Variants in DCLK2 observed in about 807,000 individuals in gnomAD.
DCLK2 encodes the protein serine/threonine-protein kinase DCLK2.
In DCLK2, 31 loss-of-function variants were observed where a neutral mutation model predicts 78.4. The observed-to-expected ratio is 0.40, with a 90% CI of 0.30 to 0.53. The LOEUF (loss-of-function observed/expected upper bound fraction) is 0.53. DCLK2 is among the 20% of genes least tolerant of loss of function. The pLI, the probability that DCLK2 is intolerant of heterozygous loss-of-function variation, is 0.61. For synonymous variants in DCLK2, 407 were observed against 374.9 expected (o/e 1.09, Z -0.99); for missense variants, 872 against 973.7 (o/e 0.90, Z 1.39).
chr4:150,130,351 G>A lies in DCLK2; in HGVS notation c.756+27539G>A, dbSNP rs184410366. 2.0e-3 allele frequency among the ~76,000 whole-genome samples: 312 copies of A among 152,200 alleles called. 5 individuals carry two copies. Among genetic ancestry groups the A allele is most frequent in the South Asian group, 0.019 (91 of 4,822 alleles). ...CAGAAGTGTGAGCCAGAAGAGTTGG[G>A]AAGTGTTCGTGAAGAAATAGAATGC... On this transcript the variant is annotated intron_variant, in intron 2 of 15. Coordinates refer to ENST00000296550, the MANE Select transcript of DCLK2 (RefSeq NM_001040260.4).
At chr4:150,100,322 C>T (rs571968625) in intron 1 of DCLK2, among the ~76,000 whole-genome samples, 1 of 152,340 alleles carries the variant, frequency 6.6e-6, no homozygotes, top group East Asian at 1.9e-4. Flanking sequence ...TTACCTACTT[C>T]ATTCTAACAT....
chr4:150,203,786 C>T lies in DCLK2; in HGVS notation c.962-9C>T, dbSNP rs781476479. 6.2e-7 allele frequency: 1 copy of T among 1,609,980 alleles called. No homozygotes were observed. The highest frequency in any genetic ancestry group is 1.3e-5 in the African/African-American group (1 of 74,798). On this transcript the variant is annotated splice_polypyrimidine_tract_variant and intron_variant, in intron 4 of 15. Coordinates refer to ENST00000296550, the MANE Select transcript of DCLK2 (RefSeq NM_001040260.4). ...GGGACTTCTGTCTTCTTTGTTGTCT[C>T]ATGGGCAGTTAATGGAACTCCCAGC...
chr4:150,190,246 G>GACAT (rs1738330646), intron 2 of DCLK2, among the ~76,000 whole-genome samples: 1 of 66,786 alleles, frequency 1.5e-5, no homozygotes, highest in Non-Finnish European at 2.7e-5. Flanking sequence ...TAGATAGATA[G>GACAT]ATAGATAGAT....
At chr4:150,113,835 T>G (rs1002632968) in intron 2 of DCLK2, among the ~76,000 whole-genome samples, 1 of 152,096 alleles carries the variant, frequency 6.6e-6, no homozygotes, top group African/African-American at 2.4e-5. Context: ...AGGTGTGACA[T>G]TAGGTTGTGA....
intron 2 of DCLK2, among the ~76,000 whole-genome samples, chr4:150,190,404 A>G (rs1738367170): frequency 6.6e-6 from 1 of 152,178 alleles, no homozygotes; most frequent in East Asian, 1.9e-4. Context: ...AATAACCCAG[A>G]TGTCCTAAAC....
intron 1 of DCLK2, among the ~76,000 whole-genome samples, chr4:150,098,032 G>A (rs539915920): frequency 1.3e-5 from 2 of 152,256 alleles, no homozygotes; most frequent in African/African-American, 2.4e-5. Flanking sequence ...ATACCATGTG[G>A]TGTCTTAGTA....
intron 12 of DCLK2, 71 bp from the exon 13 acceptor site, chr4:150,247,531 TC>T (rs1743416999): frequency 5.1e-6 from 7 of 1,361,602 alleles, no homozygotes; most frequent in East Asian, 2.3e-5. Flanking sequence ...TCCCCGCTCT[TC>T]CTGTGGACAT....
intron 8 of DCLK2, among the ~76,000 whole-genome samples, chr4:150,227,086 T>C (rs1741676320): frequency 6.6e-6 from 1 of 152,174 alleles, no homozygotes; most frequent in Non-Finnish European, 1.5e-5. Flanking sequence ...GGAAACAGAC[T>C]CAGATTAAAT....
At chr4:150,249,498 T>C in intron 14 of DCLK2, 70 bp from the exon 15 acceptor site, 1 of 1,365,364 alleles carries the variant, frequency 7.3e-7, no homozygotes, top group Non-Finnish European at 1.0e-6. Context: ...GGAGGGGGAC[T>C]CTTAAGGAAA....
chr4:150,228,560 T>C (rs889101780), intron 8 of DCLK2, among the ~76,000 whole-genome samples: 3 of 151,840 alleles, frequency 2.0e-5, no homozygotes, highest in Non-Finnish European at 2.9e-5. Flanking sequence ...ACACAAACAG[T>C]TGAAAGATGG....
At chr4:150,134,230 G>A (rs1179069237) in intron 2 of DCLK2, among the ~76,000 whole-genome samples, 2 of 151,662 alleles carry the variant, frequency 1.3e-5, no homozygotes, top group Admixed American at 6.6e-5. Flanking sequence ...ACAGGCACCC[G>A]CCACTACGCC....
At chr4:150,104,238 T>C (rs564908513) in intron 2 of DCLK2, among the ~76,000 whole-genome samples, 1 of 151,572 alleles carries the variant, frequency 6.6e-6, no homozygotes, top group South Asian at 2.1e-4. Context: ...TAAAAGAAGT[T>C]GTGGTCAGGT....
At chr4:150,183,904 T>C (rs755048402) in intron 2 of DCLK2, among the ~76,000 whole-genome samples, 8 of 151,750 alleles carry the variant, frequency 5.3e-5, no homozygotes, top group South Asian at 2.1e-4. Flanking sequence ...GGCTCATTTT[T>C]CTATTTTTTT....
chr4:150,114,470 C>G (rs947263228), intron 2 of DCLK2, among the ~76,000 whole-genome samples: 5 of 152,026 alleles, frequency 3.3e-5, no homozygotes, highest in African/African-American at 1.2e-4. Context: ...AGATACTTTT[C>G]TTCATCGTGG....
intron 1 of DCLK2, among the ~76,000 whole-genome samples, chr4:150,086,070 T>G (rs1729614798): frequency 1.3e-5 from 2 of 152,180 alleles, no homozygotes; most frequent in Non-Finnish European, 2.9e-5. Context: ...CAGGAGGATC[T>G]TTTCCATAGA....
chr4:150,224,475 A>G, intron 7 of DCLK2, 26 bp from the exon 8 acceptor site: 1 of 1,574,310 alleles, frequency 6.4e-7, no homozygotes, highest in Non-Finnish European at 8.6e-7. Flanking sequence ...ATGTCTTTAA[A>G]TGGTCTTCCT....
At chr4:150,113,285 T>C (rs1233084927) in intron 2 of DCLK2, among the ~76,000 whole-genome samples, 1 of 152,204 alleles carries the variant, frequency 6.6e-6, no homozygotes, top group East Asian at 1.9e-4. Context: ...ATTCCCTCTT[T>C]CTCAGTGTTT....
chr4:150,113,115 A>G (rs1443692173), intron 2 of DCLK2, among the ~76,000 whole-genome samples: 1 of 151,952 alleles, frequency 6.6e-6, no homozygotes, highest in African/African-American at 2.4e-5. Flanking sequence ...CCCAGCCTGA[A>G]TTATCTTTTT....
chr4:150,205,977 C>G (rs1416873409), intron 5 of DCLK2, among the ~76,000 whole-genome samples: 1 of 152,176 alleles, frequency 6.6e-6, no homozygotes, highest in Non-Finnish European at 1.5e-5. Context: ...GTCTTGGTCA[C>G]TTCCCCATTT....
Sources: allele counts gnomAD v4.1 joint callset (sites outside exome capture counted in the v4.1 genomes callset), GRCh38; gene constraint gnomAD v4.1.1; transcripts MANE v1.5; gene names NCBI Gene and HGNC (gene_info 2026-07-23, HGNC 2026-07-21).